Variants in DNM1 observed in about 807,000 individuals in gnomAD.
DNM1 encodes the protein dynamin 1, also known as dynamin-1.
DNM1 carries 29 observed loss-of-function variants against 104.6 expected under a neutral mutation model. The observed-to-expected ratio is 0.28, with a 90% CI of 0.21 to 0.38. The LOEUF (loss-of-function observed/expected upper bound fraction) is 0.38, where lower values mean the gene tolerates loss of function less well. Ranked by LOEUF, DNM1 falls within the 10% of genes least tolerant of loss-of-function variation. DNM1 has a pLI of 1.00. For synonymous variants in DNM1, 445 were observed against 475.8 expected (o/e 0.94, Z 0.84); for missense variants, 640 against 1,189.4 (o/e 0.54, Z 6.79).
Position 128,224,607 on chromosome 9 carries a change from G to A in DNM1, c.1335+218G>A, listed in dbSNP as rs1446932541. 6.6e-6 allele frequency among the ~76,000 whole-genome samples: 1 copy of A among 152,064 alleles called. No homozygotes were observed. Among genetic ancestry groups the A allele is most frequent in the African/African-American group, 2.4e-5 (1 of 41,422 alleles). Reference sequence around the variant, plus strand: ...CTGGGGACCCAGGGATTGGACATGGGTGAGACGGGGATGATGGCTGGCTGT... The same window carrying A: ...CTGGGGACCCAGGGATTGGACATGGATGAGACGGGGATGATGGCTGGCTGT... On this transcript the variant is annotated intron_variant, in intron 10 of 21. Coordinates refer to ENST00000372923, the MANE Select transcript of DNM1 (RefSeq NM_004408.4). The surrounding 1 kb of genome is among the most constrained non-coding windows in gnomAD (Gnocchi z 4.3).
rs771847681 is a variant in DNM1, at chr9:128,247,957, C to T, written c.1905+22C>T. 6.2e-6 allele frequency: 10 copies of T among 1,614,130 alleles called. No individual in the cohort carries two copies. In the Admixed American group the frequency reaches 1.5e-4, roughly 24 times the overall value. On this transcript the variant is annotated intron_variant, in intron 18 of 21. Coordinates refer to ENST00000372923, the MANE Select transcript of DNM1 (RefSeq NM_004408.4). The surrounding 1 kb of genome is among the most constrained non-coding windows in gnomAD (Gnocchi z 5.1). ...GAAAGTGAGTGTGCCCTTCTCTTGC[C>T]TCCTGCCAGGCATCTGCAGCCTGGC... is the stretch of plus-strand genomic sequence containing the variant.
intron 1 of DNM1, among the ~76,000 whole-genome samples, chr9:128,210,348 CATTATTATTATTATT>C (rs61012054): frequency 4.9e-5 from 7 of 141,610 alleles, no homozygotes; most frequent in African/African-American, 1.8e-4. Context: ...ATTTATTTGG[CATTATTATTATTATT>C]ATTATTATTA....
Position 128,250,933 on chromosome 9 carries a change from G to A in DNM1, c.2527G>A (p.Val843Ile), listed in dbSNP as rs1006999214. Reference sequence around the variant, plus strand: ...GCGCCCCAACCGCGCCCCGCCCGGGGTCCCCAGGTGAGTAGGGGCTGAATG... The same window carrying A: ...GCGCCCCAACCGCGCCCCGCCCGGGATCCCCAGGTGAGTAGGGGCTGAATG... ...PSRPNRAPPG[V>I]PSRSGQASPS... Residue 843 changes from valine to isoleucine, a missense_variant, in exon 21 of 22, where the codon GTC becomes ATC. By Grantham distance (29) the Val-to-Ile change is conservative. Around this residue, in one of 7 missense-constraint regions of DNM1, gnomAD observed 37 missense variants for 35.6 expected, o/e 1.04. Transcript: ENST00000372923. 3.6e-6 allele frequency: 5 copies of A among 1,377,732 alleles called. No homozygotes were observed. In the African/African-American group the frequency reaches 6.0e-5, roughly 16 times the overall value. The allele number at this position is 1,377,732 out of a possible 1,614,324, so 85.3% of individuals were successfully genotyped here.
At position 128,254,357 on chromosome 9, in the gene DNM1, A is replaced by G; in HGVS notation, c.2535-297A>G. On this transcript the variant is annotated intron_variant, in intron 21 of 21. Coordinates refer to ENST00000372923, the MANE Select transcript of DNM1 (RefSeq NM_004408.4). The surrounding 1 kb of genome is among the most constrained non-coding windows in gnomAD (Gnocchi z 6.1). ...CCGAGGGGGCCGAGCATCAGCCTGAATTGCGGGTGCCCTGCCTGGGTGCCG... is the reference window on the plus strand; with the variant it reads ...CCGAGGGGGCCGAGCATCAGCCTGAGTTGCGGGTGCCCTGCCTGGGTGCCG... 1 of 1,405,028 alleles carries G rather than the reference A, an allele frequency of 7.1e-7. No individual in the cohort carries two copies. The highest frequency in any genetic ancestry group is 2.8e-5 in the East Asian group (1 of 36,284). 87.0% of individuals were successfully genotyped at this position (1,405,028 alleles called of 1,614,324 possible). A position where few individuals can be genotyped will look rare whatever the true frequency, so the allele number is the denominator to read the frequency against.
At chr9:128,214,516 G>A (rs1159203407) in intron 1 of DNM1, among the ~76,000 whole-genome samples, 1 of 152,210 alleles carries the variant, frequency 6.6e-6, no homozygotes, top group East Asian at 1.9e-4. Context: ...CTGGGAACCA[G>A]GATCCCAGAG....
At chr9:128,250,001 A>G (rs1387442051) in intron 19 of DNM1, 114 bp from the exon 20 acceptor site, 1 of 1,482,834 alleles carries the variant, frequency 6.7e-7, no homozygotes, top group East Asian at 2.3e-5. Flanking sequence ...TACGCAGTGT[A>G]GGAGCCGCGT....
intron 1 of DNM1, among the ~76,000 whole-genome samples, chr9:128,217,712 C>G (rs539405617): frequency 1.8e-4 from 27 of 152,312 alleles, no homozygotes; most frequent in African/African-American, 6.3e-4. Flanking sequence ...CCACCGCGCC[C>G]GGCCCATGAG....
Position 128,240,428 on chromosome 9 carries a change from T to C in DNM1, c.1557+432T>C, listed in dbSNP as rs1836292200. On this transcript the variant is annotated intron_variant, in intron 14 of 21. Transcript: ENST00000372923. This position sits in a 1 kb window ranked among gnomAD's most constrained non-coding sequence, Gnocchi z 5.1. ...TGGCCTCCTGCTCTCTGTCCTTAGA[T>C]GTCTGCGGAAACATCCCTCGTCAGA... 1 of 192,178 alleles carries C rather than the reference T, an allele frequency of 5.2e-6. No homozygotes were observed. 11.9% of individuals were successfully genotyped at this position (192,178 alleles called of 1,614,324 possible).
At position 128,218,754 on chromosome 9, in the gene DNM1, A is replaced by T; in HGVS notation, c.385+23A>T. 6.4e-7 allele frequency: 1 copy of T among 1,569,912 alleles called. No homozygotes were observed. The highest frequency in any genetic ancestry group is 8.7e-7 in the Non-Finnish European group (1 of 1,155,168). On this transcript the variant is annotated intron_variant, in intron 3 of 21. Coordinates refer to ENST00000372923, the MANE Select transcript of DNM1 (RefSeq NM_004408.4). The surrounding 1 kb of genome is among the most constrained non-coding windows in gnomAD (Gnocchi z 4.8). ...ACGGTGAGGACCCTGGCCCCGCCCT[A>T]ACCTCTAAGAATCATTTTCTTGGCC...
At chr9:128,207,302 T>C (rs1005147971) in intron 1 of DNM1, among the ~76,000 whole-genome samples, 8 of 151,940 alleles carry the variant, frequency 5.3e-5, no homozygotes, top group African/African-American at 1.9e-4. Flanking sequence ...GAAGTAAAAA[T>C]TTGGAAGTCG....
chr9:128,213,261 T>C (rs531165014), intron 1 of DNM1, among the ~76,000 whole-genome samples: 250 of 152,156 alleles, frequency 1.6e-3, no homozygotes, highest in African/African-American at 5.9e-3. Flanking sequence ...TTTGTATCTT[T>C]AGTAGAGATG....
At chr9:128,211,498 T>TTTTTTTC (rs1834298102) in intron 1 of DNM1, among the ~76,000 whole-genome samples, 2 of 103,806 alleles carry the variant, frequency 1.9e-5, no homozygotes, top group Non-Finnish European at 4.3e-5. Context: ...TTTTTTTTTT[T>TTTTTTTC]CTGTACAGAC....
chr9:128,230,200 G>T (rs1835592115), intron 10 of DNM1, among the ~76,000 whole-genome samples: 1 of 141,570 alleles, frequency 7.1e-6, no homozygotes, highest in Non-Finnish European at 1.5e-5. Flanking sequence ...CTGGGTGACA[G>T]ATCGAGACTC....
intron 19 of DNM1, 60 bp from the exon 20 acceptor site, chr9:128,250,055 G>T (rs373163771): frequency 2.5e-6 from 4 of 1,612,176 alleles, no homozygotes; most frequent in East Asian, 2.2e-5. Context: ...GGCCCGGTGG[G>T]GCGGCCAGGG....
At chr9:128,250,028 G>A (rs972772868) in intron 19 of DNM1, 87 bp from the exon 20 acceptor site, 12 of 1,598,786 alleles carry the variant, frequency 7.5e-6, no homozygotes, top group Non-Finnish European at 1.0e-5. Flanking sequence ...AGCCACACCA[G>A]CTCACAGTCC....
At chr9:128,231,544 TCCTTATAGGCAAAACTCA>T (rs772465839) in intron 10 of DNM1, among the ~76,000 whole-genome samples, 9 of 152,174 alleles carry the variant, frequency 5.9e-5, no homozygotes, top group South Asian at 2.1e-4. Flanking sequence ...ATTATTTTTT[TCCTTATAGGCAAAACTCA>T]CCTTTGCCTA....
In DNM1 at chr9:128,220,975, C is replaced by CTCTT. The variant is rs1347580452; in HGVS notation, c.849+649_849+652dup. 6.1e-5 allele frequency: 7 copies of CTCTT among 114,184 alleles called. No individual in the cohort carries two copies. The highest frequency in any genetic ancestry group is 2.8e-4 in the South Asian group (1 of 3,512). The allele number at this position is 114,184 out of a possible 1,614,324, so 7.1% of individuals were successfully genotyped here. ...TCTTTCCTTTCTTCTTTCTTTCTTTCTCTTTCTTTCTTTCTTTCCCTTCCT... is the reference window on the plus strand; with the variant it reads ...TCTTTCCTTTCTTCTTTCTTTCTTTCTCTTTCTTTCTTTCTTTCTTTCCCTTCCT... On this transcript the variant is annotated intron_variant, in intron 6 of 21. Transcript: ENST00000372923. The surrounding 1 kb of genome is among the most constrained non-coding windows in gnomAD (Gnocchi z 5.2).
At chr9:128,252,792 C>T in intron 21 of DNM1, 1 of 637,312 alleles carries the variant, frequency 1.6e-6, no homozygotes, top group Non-Finnish European at 2.9e-6. Context: ...GCAAATGCCT[C>T]TGTGTGCGGG....
In DNM1 at chr9:128,234,084, C is replaced by T. The variant is rs769485700; in HGVS notation, c.1399C>T (p.Arg467Cys). ...ERIVTTHIRE[R>C]EGRTKEQVML... Reference sequence around the variant, plus strand: ...CATCGTGACCACCCACATCCGGGAGCGCGAGGGCCGCACTAAGGAGCAGGT... The same window carrying T: ...CATCGTGACCACCCACATCCGGGAGTGCGAGGGCCGCACTAAGGAGCAGGT... Residue 467 changes from arginine (R) to cysteine (C), a missense_variant, in exon 11 of 22, where the codon CGC becomes TGC. This residue lies in a region of DNM1 where 92 missense variants were observed against 124.4 expected (regional missense o/e 0.74). Coordinates refer to ENST00000372923, the MANE Select transcript of DNM1 (RefSeq NM_004408.4). 20 of 1,569,408 alleles carry T rather than the reference C, an allele frequency of 1.3e-5. No homozygotes were observed. In the East Asian group the frequency reaches 1.7e-4, roughly 13 times the overall value.
Sources: allele counts gnomAD v4.1 joint callset (sites outside exome capture counted in the v4.1 genomes callset), GRCh38; gene constraint gnomAD v4.1.1; regional missense constraint gnomAD v4.1.1; non-coding constraint Gnocchi (gnomAD v3.1); transcripts MANE v1.5; gene names NCBI Gene and HGNC (gene_info 2026-07-23, HGNC 2026-07-21).